Variants in PHF24 observed in about 807,000 individuals in gnomAD.
The protein encoded by PHF24 is PHD finger protein 24, also known as Galpha inhibitory interacting protein.
PHF24 carries 25 observed loss-of-function variants against 42.6 expected under a neutral mutation model. That is an observed-to-expected ratio of 0.59 (90% CI 0.43 to 0.82). The LOEUF (loss-of-function observed/expected upper bound fraction) is 0.82. Among genes scored for constraint, PHF24 ranks in the 40% least tolerant of loss-of-function variants. The pLI, the probability that PHF24 is intolerant of heterozygous loss-of-function variation, is 0.00. For missense variants in PHF24, 470 were observed against 538.1 expected, an observed-to-expected ratio of 0.87 and a Z score of 1.25; for synonymous variants, 185 against 204.8, an observed-to-expected ratio of 0.90 and a Z score of 0.83.
the PHF24 span, among the ~76,000 whole-genome samples, chr9:34,734,302 G>A: frequency 3.4e-3 from 517 of 152,316 alleles, 2 homozygotes; most frequent in Non-Finnish European, 3.8e-3. Context: ...GTAGCCCAGC[G>A]TGAGAATACA....
At chr9:34,853,599 T>C in the PHF24 span, among the ~76,000 whole-genome samples, 149,872 of 151,096 alleles carry the variant, frequency 0.99, 74,337 homozygotes, top group Middle Eastern at 1. Flanking sequence ...GAGGCCGAGG[T>C]GGGCGGATCA....
chr9:34,750,549 G>T, the PHF24 span, among the ~76,000 whole-genome samples: 4 of 151,392 alleles, frequency 2.6e-5, 1 homozygote, highest in South Asian at 4.2e-4. Context: ...TAAAGTGGGG[G>T]TATGAAGTTA....
the PHF24 span, among the ~76,000 whole-genome samples, chr9:34,753,089 A>G: frequency 2.0e-5 from 3 of 152,190 alleles, no homozygotes; most frequent in Non-Finnish European, 2.9e-5. Context: ...TGAATGGGGA[A>G]AAACAAAAAG....
At chr9:34,954,539 A>G (rs1826327176), upstream of PHF24, among the ~76,000 whole-genome samples, 1 of 152,174 alleles carries the variant, frequency 6.6e-6, no homozygotes, top group Non-Finnish European at 1.5e-5. Context: ...CTTCTACATG[A>G]GCTCACCATC....
At chr9:34,676,775 T>C in the PHF24 span, among the ~76,000 whole-genome samples, 1 of 152,108 alleles carries the variant, frequency 6.6e-6, no homozygotes, top group Non-Finnish European at 1.5e-5. Context: ...CGGCAGAAGC[T>C]GAAGGGGGAG....
chr9:34,706,563 A>G, the PHF24 span, among the ~76,000 whole-genome samples: 589 of 152,320 alleles, frequency 3.9e-3, 4 homozygotes, highest in African/African-American at 0.013. Context: ...GAACAGGACA[A>G]TGTTGTCAAA....
chr9:34,942,580 T>C, the PHF24 span, among the ~76,000 whole-genome samples: 2 of 152,030 alleles, frequency 1.3e-5, no homozygotes. Context: ...AACATAACCC[T>C]GAGGGCAAAT....
At chr9:34,784,210 G>T in the PHF24 span, among the ~76,000 whole-genome samples, 1 of 152,180 alleles carries the variant, frequency 6.6e-6, no homozygotes, top group Non-Finnish European at 1.5e-5. Flanking sequence ...TAGTAATTAA[G>T]TTTTCTTGTA....
the PHF24 span, among the ~76,000 whole-genome samples, chr9:34,717,990 TTGAC>T: frequency 6.6e-6 from 1 of 152,216 alleles, no homozygotes; most frequent in Non-Finnish European, 1.5e-5. Flanking sequence ...CCATGTGTCT[TTGAC>T]TGTGTGTATT....
At chr9:34,683,449 A>T in the PHF24 span, among the ~76,000 whole-genome samples, 1 of 152,202 alleles carries the variant, frequency 6.6e-6, no homozygotes, top group Non-Finnish European at 1.5e-5. Context: ...ATGAGGTGGT[A>T]AGGGGAGAGC....
At chr9:34,712,027 T>C in the PHF24 span, among the ~76,000 whole-genome samples, 6 of 152,182 alleles carry the variant, frequency 3.9e-5, no homozygotes, top group African/African-American at 1.4e-4. Context: ...TCCTAAGTTT[T>C]GTTTATCTGG....
the PHF24 span, among the ~76,000 whole-genome samples, chr9:34,669,132 C>A: frequency 6.6e-6 from 1 of 152,180 alleles, no homozygotes; most frequent in African/African-American, 2.4e-5. Context: ...CATGTCTCCC[C>A]AAAATGTATA....
At chr9:34,977,694 C>G in intron 7 of PHF24, 53 bp downstream of exon 7, 1 of 1,429,796 alleles carries the variant, frequency 7.0e-7, no homozygotes, top group Admixed American at 2.0e-5. Context: ...CCCCACAAAA[C>G]ACACAAGTAA....
the PHF24 span, among the ~76,000 whole-genome samples, chr9:34,823,202 C>CAAAAA: frequency 1.7e-5 from 1 of 58,644 alleles, no homozygotes; most frequent in African/African-American, 7.0e-5. Context: ...GACTCCGTCT[C>CAAAAA]AAAAAAAAAA....
chr9:34,943,044 A>C, the PHF24 span, among the ~76,000 whole-genome samples: 27,371 of 152,114 alleles, frequency 0.18, 3,050 homozygotes, highest in East Asian at 0.55. Context: ...TTCACTGGCC[A>C]TATACCATGT....
chr9:34,845,678 C>T, the PHF24 span, among the ~76,000 whole-genome samples: 1 of 151,540 alleles, frequency 6.6e-6, no homozygotes, highest in Non-Finnish European at 1.5e-5. Context: ...ATACATGTGC[C>T]ATGCTGGTGT....
chr9:34,922,686 C>T, the PHF24 span: 1 of 1,341,656 alleles, frequency 7.5e-7, no homozygotes, highest in Non-Finnish European at 1.1e-6. Flanking sequence ...TATTCTTGAG[C>T]CATCTGCTGT....
the PHF24 span, among the ~76,000 whole-genome samples, chr9:34,800,254 C>A: frequency 4.6e-5 from 7 of 152,050 alleles, no homozygotes; most frequent in Non-Finnish European, 8.8e-5. Context: ...TAATGAAGAT[C>A]TGACTAAGGT....
the PHF24 span, among the ~76,000 whole-genome samples, chr9:34,857,914 CTG>C: frequency 6.8e-6 from 1 of 147,560 alleles, no homozygotes; most frequent in African/African-American, 2.5e-5. Context: ...ATTTCAGTCT[CTG>C]TTAAATTTCT....
Sources: allele counts gnomAD v4.1 joint callset (sites outside exome capture counted in the v4.1 genomes callset), GRCh38; gene constraint gnomAD v4.1.1; transcripts MANE v1.5; gene names NCBI Gene and HGNC (gene_info 2026-07-23, HGNC 2026-07-21).